The following RPS6KC1 variants were observed in gnomAD, a reference collection of about 807,000 sequenced individuals.
RPS6KC1 encodes ribosomal protein S6 kinase C1.
Under a neutral mutation model 103.8 loss-of-function variants are expected in RPS6KC1, and 54 were observed. The ratio of observed to expected loss-of-function variants is 0.52; its 90% CI spans 0.42 to 0.65. The LOEUF is 0.65. RPS6KC1 is among the 30% of genes least tolerant of loss of function. The pLI is 0.00. For synonymous variants in RPS6KC1, 439 were observed against 438.7 expected, an observed-to-expected ratio of 1.00 and a Z score of -0.01; for missense variants, 1,151 against 1,253.8, an observed-to-expected ratio of 0.92 and a Z score of 1.24.
the RPS6KC1 span, among the ~76,000 whole-genome samples, chr1:213,480,163 G>T: frequency 6.6e-6 from 1 of 151,978 alleles, no homozygotes; most frequent in African/African-American, 2.4e-5. Context: ...ATTTTGATTG[G>T]AATTACATTG....
At chr1:213,104,293 G>T (rs1443888145) in intron 3 of RPS6KC1, among the ~76,000 whole-genome samples, 161 bp from the exon 4 acceptor site, 1 of 152,170 alleles carries the variant, frequency 6.6e-6, no homozygotes, top group African/African-American at 2.4e-5. Flanking sequence ...GAGTACTGCT[G>T]ATTCTAATTG....
chr1:213,347,029 G>A, the RPS6KC1 span, among the ~76,000 whole-genome samples: 97 of 152,248 alleles, frequency 6.4e-4, no homozygotes, highest in Middle Eastern at 3.4e-3. Flanking sequence ...GCTGAGTGAC[G>A]ATAGGCATTA....
chr1:213,426,158 G>A, the RPS6KC1 span, among the ~76,000 whole-genome samples: 2 of 152,268 alleles, frequency 1.3e-5, no homozygotes, highest in Admixed American at 1.3e-4. Context: ...GCCAGGGTGT[G>A]AACATTCTGA....
chr1:213,724,678 T>C, the RPS6KC1 span, among the ~76,000 whole-genome samples: 1 of 151,970 alleles, frequency 6.6e-6, no homozygotes, highest in South Asian at 2.1e-4. Flanking sequence ...GGTGGGAAGA[T>C]CACTTGAGGC....
chr1:213,669,256 T>C, the RPS6KC1 span, among the ~76,000 whole-genome samples: 1 of 152,182 alleles, frequency 6.6e-6, no homozygotes, highest in Admixed American at 6.5e-5. Flanking sequence ...TTACTCTTCC[T>C]TTCACTTGAA....
rs565539915 is a variant in RPS6KC1, at chr1:213,198,775, A to G, written c.1044+22283A>G. 1.0e-3 allele frequency among the ~76,000 whole-genome samples: 156 copies of G among 152,254 alleles called. No individual in the cohort carries two copies. The Middle Eastern group carries it at 0.014, about 13-fold the overall frequency. On this transcript the variant is annotated intron_variant, in intron 8 of 14. Coordinates refer to ENST00000366960, the MANE Select transcript of RPS6KC1 (RefSeq NM_012424.6). ...TTACCAAATGTTTACAGAATAAATT[A>G]TATCAGTTATCTGCAATCTCTTCTA... is the stretch of plus-strand genomic sequence containing the variant.
chr1:213,653,647 A>C, the RPS6KC1 span, among the ~76,000 whole-genome samples: 1 of 152,158 alleles, frequency 6.6e-6, no homozygotes, highest in Non-Finnish European at 1.5e-5. Flanking sequence ...TGTGTAATTA[A>C]TTGATCATAT....
the RPS6KC1 span, among the ~76,000 whole-genome samples, chr1:213,740,730 CAT>C: frequency 0.015 from 1,166 of 78,456 alleles, 286 homozygotes; most frequent in African/African-American, 0.035. Context: ...CACATATATA[CAT>C]CTCAGATATA....
chr1:213,677,200 T>TA, the RPS6KC1 span, among the ~76,000 whole-genome samples: 2 of 152,216 alleles, frequency 1.3e-5, no homozygotes. Flanking sequence ...CTGGCCCTTT[T>TA]AAAGGAACAA....
the RPS6KC1 span, among the ~76,000 whole-genome samples, chr1:213,749,391 A>G: frequency 2.0e-5 from 3 of 152,202 alleles, no homozygotes. Context: ...TTCTGGATAT[A>G]GAACAGGGGG....
the RPS6KC1 span, among the ~76,000 whole-genome samples, chr1:213,473,257 A>G: frequency 0.16 from 24,728 of 152,302 alleles, 2,577 homozygotes; most frequent in East Asian, 0.27. Flanking sequence ...TCAGGCCAGT[A>G]GCTGACCTCA....
the RPS6KC1 span, among the ~76,000 whole-genome samples, chr1:213,435,698 G>T: frequency 1.1e-4 from 16 of 152,316 alleles, no homozygotes; most frequent in East Asian, 9.6e-4. Context: ...TGTCAATGCT[G>T]AGTACTGTTC....
intron 6 of RPS6KC1, among the ~76,000 whole-genome samples, chr1:213,151,272 C>A (rs2088821674): frequency 1.2e-4 from 15 of 123,252 alleles, no homozygotes; most frequent in Admixed American, 1.1e-3. Context: ...AGAGGGGCTC[C>A]TCACTTCCCA....
chr1:213,608,338 C>T, the RPS6KC1 span, among the ~76,000 whole-genome samples: 4 of 152,154 alleles, frequency 2.6e-5, no homozygotes, highest in Non-Finnish European at 5.9e-5. Flanking sequence ...TAAAAGCACC[C>T]GTGTTGCTCC....
At chr1:213,535,108 C>G in the RPS6KC1 span, among the ~76,000 whole-genome samples, 3 of 152,208 alleles carry the variant, frequency 2.0e-5, no homozygotes, top group Non-Finnish European at 2.9e-5. Flanking sequence ...CAAGCAGGCT[C>G]CATATGGAGG....
chr1:213,837,156 A>C, the RPS6KC1 span: 2 of 152,140 alleles, frequency 1.3e-5, no homozygotes, highest in Non-Finnish European at 1.5e-5. Flanking sequence ...TGGTAGGCCC[A>C]TTCAGCTCCT....
At chr1:213,360,718 A>G in the RPS6KC1 span, among the ~76,000 whole-genome samples, 1 of 152,052 alleles carries the variant, frequency 6.6e-6, no homozygotes, top group Non-Finnish European at 1.5e-5. Flanking sequence ...GATGATGGTG[A>G]TGTGCAGATG....
chr1:213,800,224 T>G, the RPS6KC1 span, among the ~76,000 whole-genome samples: 1 of 152,032 alleles, frequency 6.6e-6, no homozygotes, highest in Admixed American at 6.6e-5. Flanking sequence ...CAGAAGGAGG[T>G]GTTCCTGCGA....
chr1:213,385,708 G>T, the RPS6KC1 span, among the ~76,000 whole-genome samples: 1 of 152,122 alleles, frequency 6.6e-6, no homozygotes, highest in South Asian at 2.1e-4. Context: ...GATGACAGTA[G>T]ACCTCACCAG....
Sources: gnomAD v4.1 joint callset for allele counts (sites outside exome capture counted in the v4.1 genomes callset) on GRCh38, gnomAD v4.1.1 for gene constraint, MANE v1.5 for transcripts, NCBI Gene and HGNC (gene_info 2026-07-23, HGNC 2026-07-21) for gene names.